SAP130: variants seen among roughly 807,000 people sequenced by gnomAD.
SAP130 encodes Sin3A associated protein 130, also known as histone deacetylase complex subunit SAP130.
Under a neutral mutation model 103.2 loss-of-function variants are expected in SAP130, and 16 were observed. The observed-to-expected ratio is 0.16, with a 90% CI of 0.10 to 0.24. The LOEUF (loss-of-function observed/expected upper bound fraction) is 0.24, where lower values mean the gene tolerates loss of function less well. Among genes scored for constraint, SAP130 ranks in the 10% least tolerant of loss-of-function variants. SAP130 has a pLI of 1.00. For synonymous variants in SAP130, 477 were observed against 497.0 expected (o/e 0.96, Z 0.53); for missense variants, 990 against 1,359.7 (o/e 0.73, Z 4.28).
chr2:127,954,885 G>T, intron 16 of SAP130, 101 bp downstream of exon 16: 1 of 865,684 alleles, frequency 1.2e-6, no homozygotes, highest in Non-Finnish European at 1.8e-6. Flanking sequence ...GGTTATCAGG[G>T]AGTCTTGGCT....
At chr2:127,964,220 G>A (rs1386770310) in intron 15 of SAP130, among the ~76,000 whole-genome samples, 8 of 151,988 alleles carry the variant, frequency 5.3e-5, no homozygotes, top group Non-Finnish European at 7.4e-5. Context: ...TAGGCTGGGC[G>A]CAGTGGCTCA....
chr2:127,942,679 A>T lies in SAP130; in HGVS notation c.2902-142T>A, dbSNP rs890748968. ...ACAACGTCCTTTCTCCTAAGGACTA[A>T]GATACTAAGGTTTAAAAACAGTAAA... On this transcript the variant is annotated intron_variant, in intron 19 of 20. Coordinates refer to ENST00000643581, the MANE Select transcript of SAP130 (RefSeq NM_001330301.2). The surrounding 1 kb of genome is among the most constrained non-coding windows in gnomAD (Gnocchi z 4.8). The T allele has an allele frequency of 1.3e-4, 82 of 620,710 alleles. No homozygotes were observed. The highest frequency in any genetic ancestry group is 1.3e-4 in the Non-Finnish European group (47 of 348,824). 38.5% of individuals were successfully genotyped at this position (620,710 alleles called of 1,614,324 possible).
In SAP130 at chr2:127,996,337, C is replaced by A; in HGVS notation, c.1355+13G>T. On this transcript the variant is annotated intron_variant, in intron 11 of 20. Transcript: ENST00000643581. This position sits in a 1 kb window ranked among gnomAD's most constrained non-coding sequence, Gnocchi z 4.3. The stretch of plus-strand genomic sequence containing the variant: ...ACACAGTGAGGCAGAATAACTGACA[C>A]ACAGCCTCCTACCTGTTGTCACTTC... 6.3e-7 allele frequency: 1 copy of A among 1,582,522 alleles called. No homozygotes were observed. The highest frequency in any genetic ancestry group is 1.2e-5 in the South Asian group (1 of 86,106).
intron 15 of SAP130, among the ~76,000 whole-genome samples, chr2:127,974,644 T>C (rs986106516): frequency 1.3e-5 from 2 of 151,918 alleles, no homozygotes; most frequent in African/African-American, 4.8e-5. Context: ...AGAAACCCTG[T>C]CTCTACTAAA....
intron 7 of SAP130, among the ~76,000 whole-genome samples, chr2:128,006,156 T>C (rs979886220): frequency 1.3e-5 from 2 of 148,876 alleles, no homozygotes; most frequent in Non-Finnish European, 3.0e-5. Flanking sequence ...CATCAAGTAA[T>C]CATGGAAAGA....
chr2:128,004,260 G>C (rs1364604593), intron 7 of SAP130, among the ~76,000 whole-genome samples: 1 of 151,296 alleles, frequency 6.6e-6, no homozygotes, highest in Non-Finnish European at 1.5e-5. Context: ...GCAAAATTAG[G>C]AGACATCTGA....
chr2:127,982,508 A>G (rs973471466), intron 14 of SAP130, among the ~76,000 whole-genome samples: 8 of 152,188 alleles, frequency 5.3e-5, no homozygotes, highest in African/African-American at 1.9e-4. Context: ...TCAAAAAAGG[A>G]GCAATTTGTC....
At chr2:127,954,961 G>T in intron 16 of SAP130, 25 bp downstream of exon 16, 1 of 1,516,438 alleles carries the variant, frequency 6.6e-7, no homozygotes, top group African/African-American at 1.4e-5. Flanking sequence ...ATTGCCAATG[G>T]AGAGTATTCT....
chr2:127,960,666 A>G (rs1049219740), intron 15 of SAP130, among the ~76,000 whole-genome samples: 1 of 152,172 alleles, frequency 6.6e-6, no homozygotes, highest in Non-Finnish European at 1.5e-5. Context: ...ATGCATTCAC[A>G]TGTTTCAAAC....
chr2:128,016,254 T>C, intron 4 of SAP130, 135 bp downstream of exon 4: 1 of 866,996 alleles, frequency 1.2e-6, no homozygotes, highest in Non-Finnish European at 1.8e-6. Flanking sequence ...AAACCTACTA[T>C]CTTCACTTGC....
Position 128,017,833 on chromosome 2 carries a change from C to T in SAP130, c.195G>A (p.Glu65=). The T allele has an allele frequency of 6.2e-7, 1 of 1,614,240 alleles. No homozygotes were observed. Among genetic ancestry groups the T allele is most frequent in the Non-Finnish European group, 8.5e-7 (1 of 1,180,052 alleles). The change falls in exon 3 of 21, where the codon GAG becomes GAA. Residue 65 remains glutamate (E), a synonymous_variant. Coordinates refer to ENST00000643581, the MANE Select transcript of SAP130 (RefSeq NM_001330301.2). ...SSSSSLQSRE[E]KQEPVVVRPY... ...GCCTTACCACAACAGGCTCTTGCTT[C>T]TCCTCCCGGGACTGGAGGGAGCTGC... is the stretch of plus-strand genomic sequence containing the variant.
intron 15 of SAP130, among the ~76,000 whole-genome samples, chr2:127,964,285 G>A (rs1359086765): frequency 6.6e-6 from 1 of 152,072 alleles, no homozygotes; most frequent in African/African-American, 2.4e-5. Context: ...CTTGAGGTCA[G>A]GAGTTCGAGA....
In SAP130 at chr2:127,996,796, C is replaced by T. The variant is rs1217872174; in HGVS notation, c.1214-305G>A. Among the ~76,000 whole-genome samples, 1 of 152,040 alleles carries T rather than the reference C, an allele frequency of 6.6e-6. No individual in the cohort carries two copies. The highest frequency in any genetic ancestry group is 2.4e-5 in the African/African-American group (1 of 41,412). ...GACAGATGCGGTGGCTCACATCTGTCATCTCAGCACTGTGGGAGGCTGAGG... is the reference window on the plus strand; with the variant it reads ...GACAGATGCGGTGGCTCACATCTGTTATCTCAGCACTGTGGGAGGCTGAGG... On this transcript the variant is annotated intron_variant, in intron 10 of 20. Transcript: ENST00000643581. This position sits in a 1 kb window ranked among gnomAD's most constrained non-coding sequence, Gnocchi z 4.3.
chr2:127,954,969 T>A lies in SAP130; in HGVS notation c.2422+17A>T. The stretch of plus-strand genomic sequence containing the variant: ...AGAGGCAATTGCCAATGGAGAGTAT[T>A]CTATGGACGGACTTACCAGAAACTG... On this transcript the variant is annotated intron_variant, in intron 16 of 20. Transcript: ENST00000643581. The A allele has an allele frequency of 6.4e-7, 1 of 1,556,244 alleles. No individual in the cohort carries two copies. Among genetic ancestry groups the A allele is most frequent in the Non-Finnish European group, 8.8e-7 (1 of 1,138,522 alleles).
chr2:127,953,183 C>A lies in SAP130; in HGVS notation c.2422+1803G>T, dbSNP rs776893422. On this transcript the variant is annotated intron_variant, in intron 16 of 20. Coordinates refer to ENST00000643581, the MANE Select transcript of SAP130 (RefSeq NM_001330301.2). This position sits in a 1 kb window ranked among gnomAD's most constrained non-coding sequence, Gnocchi z 4.0. ...AATTCAGCCAATGGCAACTCTATGG[C>A]TTCCAGTTGCTAAGGCCAAAAATCT... Among the ~76,000 whole-genome samples the A allele has an allele frequency of 1.3e-5, 2 of 152,202 alleles. No homozygotes were observed. Among genetic ancestry groups the A allele is most frequent in the Non-Finnish European group, 2.9e-5 (2 of 68,038 alleles).
rs1553498913 is a variant in SAP130 at position 127,942,563 on chromosome 2, C to G, written c.2902-26G>C. On this transcript the variant is annotated intron_variant, in intron 19 of 20. Transcript: ENST00000643581. This position sits in a 1 kb window ranked among gnomAD's most constrained non-coding sequence, Gnocchi z 4.8. ...CTGCAACACACAAAAGGGAGGGTAT[C>G]ATAAGCTCGGAAATATTTTTCTATG... is the stretch of plus-strand genomic sequence containing the variant. 33 of 1,370,810 alleles carry G rather than the reference C, an allele frequency of 2.4e-5. No homozygotes were observed. In the South Asian group the frequency reaches 3.7e-4, roughly 15 times the overall value. 84.9% of individuals were successfully genotyped at this position (1,370,810 alleles called of 1,614,324 possible). A position where few individuals can be genotyped will look rare whatever the true frequency, so the allele number is the denominator to read the frequency against.
chr2:128,026,266 T>A lies in SAP130; in HGVS notation c.27A>T (p.Leu9Phe), dbSNP rs896843089. 3 of 1,614,020 alleles carry A rather than the reference T, an allele frequency of 1.9e-6. No individual in the cohort carries two copies. In the African/African-American group the frequency reaches 4.0e-5, roughly 22 times the overall value. ...GGCTCAGCCCGGTAGAAGGGGCTCC[T>A]AACCGAGGAAACTGTTGAGAACTCA... is the stretch of plus-strand genomic sequence containing the variant. MSSQQFPR[L>F]GAPSTGLSQA... Residue 9 changes from leucine (L) to phenylalanine (F), a missense_variant, in exon 2 of 21, where the codon TTA becomes TTT. Leu to Phe is a conservative substitution (Grantham distance 22, BLOSUM62 0). Around this residue, in one of 6 missense-constraint regions of SAP130, gnomAD observed 167 missense variants for 187.4 expected, o/e 0.89. Coordinates refer to ENST00000643581, the MANE Select transcript of SAP130 (RefSeq NM_001330301.2).
At chr2:127,977,573 T>C (rs894216629) in intron 15 of SAP130, among the ~76,000 whole-genome samples, 1 of 152,194 alleles carries the variant, frequency 6.6e-6, no homozygotes, top group Non-Finnish European at 1.5e-5. Flanking sequence ...GTGTTTGCTA[T>C]AAGGCACATA....
At position 127,949,887 on chromosome 2, in the gene SAP130, T is replaced by C. The variant is rs1559031051; in HGVS notation, c.2779A>G (p.Ser927Gly). 6.2e-7 allele frequency: 1 copy of C among 1,614,202 alleles called. No homozygotes were observed. Among genetic ancestry groups the C allele is most frequent in the Non-Finnish European group, 8.5e-7 (1 of 1,180,014 alleles). ...KAAYHHFQRY[S>G]DVRVKEEKKA... ...AACTAACCTTTGACCCGGACGTCAC[T>C]GTACCTCTGAAAGTGGTGGTAAGCA... is the stretch of plus-strand genomic sequence containing the variant. The change falls in exon 18 of 21, where the codon AGT (serine) becomes GGT (glycine). Residue 927 changes from serine (S) to glycine (G), a missense_variant. Transcript: ENST00000643581.
Sources: allele counts gnomAD v4.1 joint callset (sites outside exome capture counted in the v4.1 genomes callset), GRCh38; gene constraint gnomAD v4.1.1; regional missense constraint gnomAD v4.1.1; non-coding constraint Gnocchi (gnomAD v3.1); transcripts MANE v1.5; gene names NCBI Gene and HGNC (gene_info 2026-07-23, HGNC 2026-07-21).